The following ADGRB3 variants were observed in gnomAD, a reference collection of about 807,000 sequenced individuals.
ADGRB3 encodes brain-specific angiogenesis inhibitor 3.
In ADGRB3, 37 loss-of-function variants were observed where a neutral mutation model predicts 193.4. The ratio of observed to expected loss-of-function variants is 0.19; its 90% CI spans 0.15 to 0.25. The LOEUF (loss-of-function observed/expected upper bound fraction) is 0.25, where lower values mean the gene tolerates loss of function less well. Ranked by LOEUF, ADGRB3 falls within the 10% of genes least tolerant of loss-of-function variation. The pLI, the probability that ADGRB3 is intolerant of heterozygous loss-of-function variation, is 1.00. For missense variants in ADGRB3, 1,637 were observed against 1,852.9 expected, an observed-to-expected ratio of 0.88 and a Z score of 2.14; for synonymous variants, 690 against 644.2, an observed-to-expected ratio of 1.07 and a Z score of -1.08.
chr6:68,740,258 C>A (rs929611321), intron 3 of ADGRB3, among the ~76,000 whole-genome samples: 7 of 152,132 alleles, frequency 4.6e-5, no homozygotes. Context: ...TCTGTTATCA[C>A]TTATATCCAA....
At chr6:69,157,356 C>G (rs1774870917) in intron 17 of ADGRB3, among the ~76,000 whole-genome samples, 1 of 152,168 alleles carries the variant, frequency 6.6e-6, no homozygotes, top group Admixed American at 6.5e-5. Context: ...CCTACTGGAG[C>G]ACTTGTGAGG....
At chr6:69,194,429 A>T (rs2150355849) in intron 17 of ADGRB3, among the ~76,000 whole-genome samples, 1 of 152,238 alleles carries the variant, frequency 6.6e-6, no homozygotes, top group South Asian at 2.1e-4. Context: ...TTTCCAGAAA[A>T]TCAGCAGAAT....
At chr6:69,236,651 T>C (rs1421331044) in intron 19 of ADGRB3, among the ~76,000 whole-genome samples, 1 of 152,090 alleles carries the variant, frequency 6.6e-6, no homozygotes, top group East Asian at 1.9e-4. Context: ...AAATTCCTTT[T>C]ATCAGCATTT....
rs534591962 is a variant in ADGRB3, at chr6:68,906,791, C to A, written c.758-23768C>A. Among the ~76,000 whole-genome samples the A allele has an allele frequency of 9.9e-5, 15 of 152,062 alleles. No individual in the cohort carries two copies. The East Asian group carries it at 2.9e-3, about 29-fold the overall frequency. The stretch of plus-strand genomic sequence containing the variant: ...ATTTTGTATTCATGCAACTTTGCTG[C>A]AAATATTTTTCCTGGTTTGTTGTTA... On this transcript the variant is annotated intron_variant, in intron 3 of 31. Coordinates refer to ENST00000370598, the MANE Select transcript of ADGRB3 (RefSeq NM_001704.3).
chr6:69,208,276 A>G (rs536575289), intron 17 of ADGRB3, among the ~76,000 whole-genome samples: 64 of 152,292 alleles, frequency 4.2e-4, no homozygotes, highest in African/African-American at 1.5e-3. Context: ...GGTGGTGAGC[A>G]TTCATATAAG....
In ADGRB3 at chr6:68,817,582, A is replaced by G. The variant is rs1418914478; in HGVS notation, c.758-112977A>G. On this transcript the variant is annotated intron_variant, in intron 3 of 31. Coordinates refer to ENST00000370598, the MANE Select transcript of ADGRB3 (RefSeq NM_001704.3). ...TGTTACAAGCACTCATGCATAGAAC[A>G]TATCTAGTGAAACCCCAGCAACAAC... Among the ~76,000 whole-genome samples, 3 of 151,866 alleles carry G rather than the reference A, an allele frequency of 2.0e-5. No homozygotes were observed. In the South Asian group the frequency reaches 6.2e-4, roughly 32 times the overall value.
intron 20 of ADGRB3, among the ~76,000 whole-genome samples, chr6:69,295,556 A>C (rs1767797278): frequency 6.6e-6 from 1 of 152,166 alleles, no homozygotes; most frequent in Non-Finnish European, 1.5e-5. Flanking sequence ...GAAGAAGGTC[A>C]TACTATCTGG....
intron 11 of ADGRB3, among the ~76,000 whole-genome samples, chr6:68,994,863 ATTTGT>A (rs3839460): frequency 0.03 from 4,495 of 151,698 alleles, 203 homozygotes; most frequent in African/African-American, 0.098. Context: ...AAAATACAGG[ATTTGT>A]TTTGTTTTGT....
chr6:68,662,081 C>T (rs76134882), intron 3 of ADGRB3, among the ~76,000 whole-genome samples: 1 of 151,262 alleles, frequency 6.6e-6, no homozygotes, highest in East Asian at 2.0e-4. Context: ...TCAAGTCGAG[C>T]CAAGTATGGT....
chr6:68,983,967 A>G (rs1769000805), intron 10 of ADGRB3, among the ~76,000 whole-genome samples: 1 of 152,228 alleles, frequency 6.6e-6, no homozygotes, highest in Admixed American at 6.5e-5. Flanking sequence ...AGGAAATGAC[A>G]GCACATTCCA....
At chr6:69,377,506 A>G (rs1229117133) in intron 30 of ADGRB3, among the ~76,000 whole-genome samples, 1 of 152,034 alleles carries the variant, frequency 6.6e-6, no homozygotes, top group African/African-American at 2.4e-5. Context: ...TAAAGGACTC[A>G]TGCAAACCAG....
At chr6:68,854,425 A>G (rs1339014174) in intron 3 of ADGRB3, among the ~76,000 whole-genome samples, 1 of 152,174 alleles carries the variant, frequency 6.6e-6, no homozygotes, top group Non-Finnish European at 1.5e-5. Flanking sequence ...GAGATAATGT[A>G]CTTGTTAATT....
At chr6:68,744,636 A>C (rs1766046621) in intron 3 of ADGRB3, among the ~76,000 whole-genome samples, 1 of 152,082 alleles carries the variant, frequency 6.6e-6, no homozygotes, top group African/African-American at 2.4e-5. Flanking sequence ...CTATCACAAA[A>C]ACAGAAAACC....
At chr6:68,943,789 T>A in intron 5 of ADGRB3, 41 bp from the exon 6 acceptor site, 1 of 1,488,628 alleles carries the variant, frequency 6.7e-7, no homozygotes, top group Non-Finnish European at 9.1e-7. Flanking sequence ...TTGATTTTAC[T>A]GCTCTGCTTT....
chr6:69,236,550 C>T (rs757118314), intron 19 of ADGRB3, among the ~76,000 whole-genome samples: 5 of 151,972 alleles, frequency 3.3e-5, no homozygotes, highest in Non-Finnish European at 5.9e-5. Context: ...GTTTAAATAA[C>T]AGTTGTTCAA....
chr6:69,052,139 C>A (rs506708), intron 15 of ADGRB3, among the ~76,000 whole-genome samples: 2,351 of 152,256 alleles, frequency 0.015, 27 homozygotes, highest in Non-Finnish European at 0.026. Flanking sequence ...CTGCCCGCCT[C>A]GGCCTCCCAA....
intron 17 of ADGRB3, among the ~76,000 whole-genome samples, chr6:69,231,740 A>G (rs1475096763): frequency 6.6e-6 from 1 of 152,224 alleles, no homozygotes; most frequent in Non-Finnish European, 1.5e-5. Context: ...AATGGCCAAT[A>G]CTTAGAAGTA....
intron 17 of ADGRB3, among the ~76,000 whole-genome samples, chr6:69,081,957 G>A (rs1772399483): frequency 6.6e-6 from 1 of 152,028 alleles, no homozygotes; most frequent in African/African-American, 2.4e-5. Flanking sequence ...ATTTTTCATT[G>A]TAATTCTCAC....
chr6:69,267,569 T>C (rs1767076312), intron 20 of ADGRB3, among the ~76,000 whole-genome samples: 1 of 152,112 alleles, frequency 6.6e-6, no homozygotes, highest in South Asian at 2.1e-4. Context: ...GCAATCCCAG[T>C]TTGTCTAACA....
Sources: allele counts gnomAD v4.1 joint callset (sites outside exome capture counted in the v4.1 genomes callset), GRCh38; gene constraint gnomAD v4.1.1; transcripts MANE v1.5; gene names NCBI Gene and HGNC (gene_info 2026-07-23, HGNC 2026-07-21).